ADCY5: variants seen among roughly 807,000 people sequenced by gnomAD.
The protein encoded by ADCY5 is adenylate cyclase type 5.
ADCY5 carries 30 observed loss-of-function variants against 119.7 expected under a neutral mutation model. That is an observed-to-expected ratio of 0.25 (90% CI 0.19 to 0.34). The LOEUF (loss-of-function observed/expected upper bound fraction) is 0.34, where lower values mean the gene tolerates loss of function less well. ADCY5 is among the 10% of genes least tolerant of loss of function. ADCY5 has a pLI of 1.00. For missense variants in ADCY5, 1,324 were observed against 1,775.2 expected (o/e 0.75, Z 4.57); for synonymous variants, 753 against 762.2 (o/e 0.99, Z 0.20).
intron 1 of ADCY5, among the ~76,000 whole-genome samples, chr3:123,387,790 A>G (rs2107577312): frequency 1.3e-5 from 2 of 152,360 alleles, no homozygotes; most frequent in South Asian, 4.1e-4. Flanking sequence ...GCAATAAATA[A>G]GGCCTATCTT....
intron 1 of ADCY5, among the ~76,000 whole-genome samples, chr3:123,434,455 C>T (rs1945573468): frequency 6.6e-6 from 1 of 152,360 alleles, no homozygotes; most frequent in Admixed American, 6.5e-5. Context: ...GCCAGGATTA[C>T]ACAGTCAGGG....
intron 14 of ADCY5, 75 bp from the exon 15 acceptor site, chr3:123,300,370 G>T: frequency 6.6e-7 from 1 of 1,508,314 alleles, no homozygotes; most frequent in Non-Finnish European, 9.0e-7. Flanking sequence ...GCATCCTCCA[G>T]TCTGAGCTGG....
intron 1 of ADCY5, among the ~76,000 whole-genome samples, chr3:123,443,749 A>G (rs909639764): frequency 4.6e-5 from 7 of 152,216 alleles, no homozygotes; most frequent in African/African-American, 1.7e-4. Flanking sequence ...GAAAACCCCT[A>G]GTGGCTCCCC....
At chr3:123,344,595 G>A (rs1456227263) in intron 3 of ADCY5, among the ~76,000 whole-genome samples, 1 of 152,196 alleles carries the variant, frequency 6.6e-6, no homozygotes, top group African/African-American at 2.4e-5. Flanking sequence ...GGAAACAGCA[G>A]AGTAGGGGCA....
chr3:123,339,917 T>C (rs1174798984), intron 3 of ADCY5, among the ~76,000 whole-genome samples: 1 of 152,240 alleles, frequency 6.6e-6, no homozygotes, highest in African/African-American at 2.4e-5. Context: ...GGGGGGAGTC[T>C]ATGAGTGCTT....
intron 1 of ADCY5, among the ~76,000 whole-genome samples, chr3:123,377,629 AC>A (rs35543900): frequency 0.2 from 30,118 of 152,080 alleles, 3,328 homozygotes; most frequent in Admixed American, 0.28. Flanking sequence ...TCTGCTCACC[AC>A]CTGGGGAAGT....
intron 1 of ADCY5, among the ~76,000 whole-genome samples, chr3:123,431,493 A>G (rs1945522582): frequency 6.6e-6 from 1 of 152,140 alleles, no homozygotes; most frequent in Admixed American, 6.6e-5. Flanking sequence ...TAGAGTTAAT[A>G]TTTGACGGAT....
chr3:123,317,460 C>T, intron 11 of ADCY5, among the ~76,000 whole-genome samples: 1 of 151,836 alleles, frequency 6.6e-6, no homozygotes, highest in East Asian at 1.9e-4. Context: ...CTTGACCAGG[C>T]GTGGTGGCTC....
chr3:123,295,151 C>T (rs1939419922), intron 17 of ADCY5, among the ~76,000 whole-genome samples: 1 of 152,222 alleles, frequency 6.6e-6, no homozygotes, highest in South Asian at 2.1e-4. Context: ...ACCATTTGCC[C>T]CCATCCTCAC....
chr3:123,429,342 C>T (rs2107644999), intron 1 of ADCY5, among the ~76,000 whole-genome samples: 1 of 152,310 alleles, frequency 6.6e-6, no homozygotes. Context: ...GTCCATCCCA[C>T]ACCTGGCTGG....
intron 1 of ADCY5, among the ~76,000 whole-genome samples, chr3:123,373,769 C>T (rs60354568): frequency 0.085 from 3,307 of 38,862 alleles, 152 homozygotes; most frequent in African/African-American, 0.14. Context: ...CCCCCCCCCC[C>T]CCGACCCCCC....
chr3:123,289,558 G>A (rs546772740), intron 19 of ADCY5, among the ~76,000 whole-genome samples, 192 bp downstream of exon 19: 2 of 152,382 alleles, frequency 1.3e-5, no homozygotes, highest in South Asian at 4.1e-4. Context: ...GCTCTGGGCG[G>A]ATTCCGCTGT....
chr3:123,317,230 C>T (rs959969604), intron 11 of ADCY5, among the ~76,000 whole-genome samples: 1 of 152,194 alleles, frequency 6.6e-6, no homozygotes, highest in African/African-American at 2.4e-5. Context: ...CACAGCCAGT[C>T]CTCAGAAGAG....
Position 123,284,521 on chromosome 3 carries a change from A to T in ADCY5, c.*87T>A. On this transcript the variant is annotated 3_prime_UTR_variant, in exon 21 of 21. Coordinates refer to ENST00000462833, the MANE Select transcript of ADCY5 (RefSeq NM_183357.3). ...GCAGCGCAGCCCTGCGGGCTGGAGC[A>T]TGGCTTCCCCGCCACCCCCGGCACA... The T allele has an allele frequency of 6.4e-7, 1 of 1,571,288 alleles. No homozygotes were observed.
Position 123,419,216 on chromosome 3 carries a change from C to T in ADCY5, c.1134+28196G>A, listed in dbSNP as rs1945251230. 4 of 985,298 alleles carry T rather than the reference C, an allele frequency of 4.1e-6. No individual in the cohort carries two copies. In the South Asian group the frequency reaches 1.4e-4, roughly 35 times the overall value. 61.0% of individuals were successfully genotyped at this position (985,298 alleles called of 1,614,324 possible). A position where few individuals can be genotyped will look rare whatever the true frequency, so the allele number is the denominator to read the frequency against. ...CCAGGCCCTCCATGCATCTGACGAG[C>T]ACACAGTCAGGTGGCACTCAAGGCC... On this transcript the variant is annotated intron_variant, in intron 1 of 20. Transcript: ENST00000462833.
intron 11 of ADCY5, among the ~76,000 whole-genome samples, chr3:123,317,378 C>T (rs1345644356): frequency 6.7e-6 from 1 of 148,784 alleles, no homozygotes; most frequent in Non-Finnish European, 1.5e-5. Context: ...CCAGGGAATA[C>T]TTTGGGTGAC....
In ADCY5 at chr3:123,439,076, C is replaced by CTTTTTTTTTTTTTTTTTTTTTTT. The variant is rs57503913; in HGVS notation, c.1134+8335_1134+8336insAAAAAAAAAAAAAAAAAAAAAAA. Among the ~76,000 whole-genome samples the CTTTTTTTTTTTTTTTTTTTTTTT allele has an allele frequency of 4.6e-4, 30 of 64,732 alleles. 7 individuals are homozygous for CTTTTTTTTTTTTTTTTTTTTTTT. The highest frequency in any genetic ancestry group is 1.5e-3 in the South Asian group (2 of 1,362). 42.5% of individuals were successfully genotyped at this position (64,732 alleles called of 152,430 possible). ...CCCACTGTGCCCAGACCCTAAAGTGCTTTTTTTTTTGAGATGGAGTCTCGC... is the reference window on the plus strand; with the variant it reads ...CCCACTGTGCCCAGACCCTAAAGTGCTTTTTTTTTTTTTTTTTTTTTTTTTTTTTTTTTGAGATGGAGTCTCGC... On this transcript the variant is annotated intron_variant, in intron 1 of 20. Transcript: ENST00000462833.
chr3:123,403,326 A>G (rs1245082937), intron 1 of ADCY5, among the ~76,000 whole-genome samples: 3 of 149,898 alleles, frequency 2.0e-5, no homozygotes, highest in Non-Finnish European at 4.4e-5. Context: ...GCAGTGAGCC[A>G]TGATTGCACC....
At chr3:123,361,656 G>A (rs1015804539) in intron 1 of ADCY5, among the ~76,000 whole-genome samples, 6 of 152,172 alleles carry the variant, frequency 3.9e-5, no homozygotes, top group Admixed American at 2.0e-4. Flanking sequence ...CACACAGGCT[G>A]AGAATCCTTT....
Sources: allele counts gnomAD v4.1 joint callset (sites outside exome capture counted in the v4.1 genomes callset), GRCh38; gene constraint gnomAD v4.1.1; transcripts MANE v1.5; gene names NCBI Gene and HGNC (gene_info 2026-07-23, HGNC 2026-07-21).